The following EHD1 variants were observed in gnomAD, a reference collection of about 807,000 sequenced individuals.
The protein encoded by EHD1 is EH domain containing 1.
In EHD1, 19 loss-of-function variants were observed where a neutral mutation model predicts 39.0. The observed-to-expected ratio is 0.49, with a 90% CI of 0.34 to 0.72. The LOEUF is 0.72. Among genes scored for constraint, EHD1 ranks in the 30% least tolerant of loss-of-function variants. EHD1 has a pLI of 0.01. For missense variants in EHD1, 542 were observed against 751.5 expected (o/e 0.72, Z 3.26); for synonymous variants, 323 against 331.2 (o/e 0.98, Z 0.27).
intron 2 of EHD1, among the ~76,000 whole-genome samples, chr11:64,869,545 C>A (rs1304993691): frequency 6.6e-6 from 1 of 152,234 alleles, no homozygotes; most frequent in Non-Finnish European, 1.5e-5. Context: ...GTGCACCAGG[C>A]ACTAGGGCAA....
intron 2 of EHD1, among the ~76,000 whole-genome samples, chr11:64,866,534 T>A (rs977620723): frequency 6.6e-6 from 1 of 151,814 alleles, no homozygotes; most frequent in Non-Finnish European, 1.5e-5. Context: ...TTAAAAAAAT[T>A]TGGGTGTGGT....
At position 64,878,133 on chromosome 11, in the gene EHD1, C is replaced by T; in HGVS notation, c.332G>A (p.Gly111Asp). 2 of 1,575,014 alleles carry T rather than the reference C, an allele frequency of 1.3e-6. No individual in the cohort carries two copies. Among genetic ancestry groups the T allele is most frequent in the Non-Finnish European group, 1.7e-6 (2 of 1,155,962 alleles). Residue 111 changes from glycine (G) to aspartate (D), a missense_variant, in exon 1 of 5, where the codon GGC (glycine) becomes GAC (aspartate). Coordinates refer to ENST00000320631, the MANE Select transcript of EHD1 (RefSeq NM_006795.4). ...CCGCGGGTCCACCACGAGCGCGTTG[C>T]CCGGCACCACGCCCTCAGTGGGGCC... ...MHGPTEGVVP[G>D]NALVVDPRRP...
rs770278119 is a variant in EHD1, at chr11:64,878,361, G to T, written c.104C>A (p.Pro35His). 6 of 1,614,004 alleles carry T rather than the reference G, an allele frequency of 3.7e-6. No homozygotes were observed. The South Asian group carries it at 6.6e-5, about 18-fold the overall frequency. The change falls in exon 1 of 5, where the codon CCC becomes CAC. Residue 35 changes from proline to histidine, a missense_variant. By Grantham distance (77) the Pro-to-His change is moderately conservative (BLOSUM62 -2). Coordinates refer to ENST00000320631, the MANE Select transcript of EHD1 (RefSeq NM_006795.4). Reference sequence around the variant, plus strand: ...GTGGAAGCGGTAGTGCTCCTCCAGGGGTAGCAGCTTCTGCGCGTACAGCTG... The same window carrying T: ...GTGGAAGCGGTAGTGCTCCTCCAGGTGTAGCAGCTTCTGCGCGTACAGCTG... ...LRQLYAQKLL[P>H]LEEHYRFHEF...
At chr11:64,871,148 T>G (rs754077388) in intron 2 of EHD1, among the ~76,000 whole-genome samples, 1 of 152,102 alleles carries the variant, frequency 6.6e-6, no homozygotes, top group Non-Finnish European at 1.5e-5. Flanking sequence ...GCAACCCCAA[T>G]GTCCATCCAC....
chr11:64,859,906 C>T lies in EHD1; in HGVS notation c.915+18G>A. 2.5e-6 allele frequency: 4 copies of T among 1,598,610 alleles called. No homozygotes were observed. Among genetic ancestry groups the T allele is most frequent in the Non-Finnish European group, 3.4e-6 (4 of 1,170,448 alleles). On this transcript the variant is annotated intron_variant, in intron 3 of 4. Coordinates refer to ENST00000320631, the MANE Select transcript of EHD1 (RefSeq NM_006795.4). ...GCCCTGCCTGGCAATAGGCTGCTCCCCTCACCCCAGGGTCTACCTTGGCCA... is the reference window on the plus strand; with the variant it reads ...GCCCTGCCTGGCAATAGGCTGCTCCTCTCACCCCAGGGTCTACCTTGGCCA...
rs1943917030 is a variant in EHD1, at chr11:64,878,604, A to C, written c.-140T>G. ...CGCAGGCGCACAGCCCAGCCCGTCG[A>C]AGCGCCCTCTGCCGAATGCTGCGCA... is the stretch of plus-strand genomic sequence containing the variant. On this transcript the variant is annotated 5_prime_UTR_variant, in exon 1 of 5. Coordinates refer to ENST00000320631, the MANE Select transcript of EHD1 (RefSeq NM_006795.4). 2 of 1,424,136 alleles carry C rather than the reference A, an allele frequency of 1.4e-6. No homozygotes were observed. Among genetic ancestry groups the C allele is most frequent in the Admixed American group, 3.0e-5 (1 of 33,474 alleles). The allele number at this position is 1,424,136 out of a possible 1,614,324, so 88.2% of individuals were successfully genotyped here.
chr11:64,878,678 C>T (rs1251469758), upstream of EHD1: 19 of 1,351,974 alleles, frequency 1.4e-5, no homozygotes, highest in South Asian at 1.1e-4. Flanking sequence ...TGGCGGCTAG[C>T]GCCGCCGCGG....
chr11:64,860,152 C>T lies in EHD1; in HGVS notation c.687G>A (p.Leu229=). ...NKADQIETQQ[L]MRVYGALMWS... is the part of the protein sequence containing the mutation. Reference sequence around the variant, plus strand: ...ACATGAGGGCCCCGTACACCCGCATCAGCTGCTGCGTCTCGATCTGGTCTG... The same window carrying T: ...ACATGAGGGCCCCGTACACCCGCATTAGCTGCTGCGTCTCGATCTGGTCTG... Residue 229 remains leucine, a synonymous_variant, in exon 3 of 5, where the codon CTG becomes CTA. Coordinates refer to ENST00000320631, the MANE Select transcript of EHD1 (RefSeq NM_006795.4). 6.2e-7 allele frequency: 1 copy of T among 1,614,186 alleles called. No individual in the cohort carries two copies.
chr11:64,872,434 C>G (rs1943839999), intron 2 of EHD1, among the ~76,000 whole-genome samples: 1 of 152,168 alleles, frequency 6.6e-6, no homozygotes, highest in Non-Finnish European at 1.5e-5. Context: ...GCACTCCAGC[C>G]TGGGCGATAG....
Position 64,878,617 on chromosome 11 carries a change from C to G in EHD1, c.-153G>C. 7.1e-7 allele frequency: 1 copy of G among 1,417,118 alleles called. No individual in the cohort carries two copies. The highest frequency in any genetic ancestry group is 9.2e-7 in the Non-Finnish European group (1 of 1,091,934). The allele number at this position is 1,417,118 out of a possible 1,614,324, so 87.8% of individuals were successfully genotyped here. A position where few individuals can be genotyped will look rare whatever the true frequency, so the allele number is the denominator to read the frequency against. The stretch of plus-strand genomic sequence containing the variant: ...CCCAGCCCGTCGAAGCGCCCTCTGC[C>G]GAATGCTGCGCACCCCTCGCGGAGC... On this transcript the variant is annotated 5_prime_UTR_variant, in exon 1 of 5. Coordinates refer to ENST00000320631, the MANE Select transcript of EHD1 (RefSeq NM_006795.4).
chr11:64,869,890 C>T (rs575234698), intron 2 of EHD1, among the ~76,000 whole-genome samples: 63 of 152,266 alleles, frequency 4.1e-4, no homozygotes, highest in African/African-American at 1.4e-3. Context: ...CGGCCCACGG[C>T]GCAGGCCTGC....
In EHD1 at chr11:64,852,547, C is replaced by T. The variant is rs1943593387; in HGVS notation, c.*1786G>A. 1 of 152,362 alleles carries T rather than the reference C, an allele frequency of 6.6e-6. No individual in the cohort carries two copies. The highest frequency in any genetic ancestry group is 6.5e-5 in the Admixed American group (1 of 15,286). 9.4% of individuals were successfully genotyped at this position (152,362 alleles called of 1,614,324 possible). A position where few individuals can be genotyped will look rare whatever the true frequency, so the allele number is the denominator to read the frequency against. Reference sequence around the variant, plus strand: ...GGCATCACCCCAGAAACCCTTTTCCCTACAGGCCTGGCCCTCTTAGTAGGA... The same window carrying T: ...GGCATCACCCCAGAAACCCTTTTCCTTACAGGCCTGGCCCTCTTAGTAGGA... On this transcript the variant is annotated 3_prime_UTR_variant, in exon 5 of 5. Coordinates refer to ENST00000320631, the MANE Select transcript of EHD1 (RefSeq NM_006795.4).
At chr11:64,870,831 G>A (rs1450064674) in intron 2 of EHD1, among the ~76,000 whole-genome samples, 1 of 152,182 alleles carries the variant, frequency 6.6e-6, no homozygotes, top group African/African-American at 2.4e-5. Flanking sequence ...AAGAATGAAC[G>A]CAGCCCCCAG....
chr11:64,851,954 A>G lies in EHD1; in HGVS notation c.*2379T>C. ...CAGGTGGCAGCTGAGTGACGCAGGGAGGGCCGGCCAGCCCTGCAGCAACTG... is the reference window on the plus strand; with the variant it reads ...CAGGTGGCAGCTGAGTGACGCAGGGGGGGCCGGCCAGCCCTGCAGCAACTG... On this transcript the variant is annotated 3_prime_UTR_variant, in exon 5 of 5. Transcript: ENST00000320631. The G allele has an allele frequency of 6.6e-6, 1 of 152,228 alleles. No homozygotes were observed. Among genetic ancestry groups the G allele is most frequent in the Non-Finnish European group, 1.5e-5 (1 of 68,002 alleles). 9.4% of individuals were successfully genotyped at this position (152,228 alleles called of 1,614,324 possible).
In EHD1 at chr11:64,863,720, C is replaced by T. The variant is rs553291551; in HGVS notation, c.503-3384G>A. Among the ~76,000 whole-genome samples the T allele has an allele frequency of 5.9e-5, 9 of 152,362 alleles. No individual in the cohort carries two copies. In the East Asian group the frequency reaches 1.2e-3, roughly 20 times the overall value. ...GCGCGGAGCCCCTCCCCACACCTGG[C>T]GCTCCCAGAAGGAACTCGGGCCACT... On this transcript the variant is annotated intron_variant, in intron 2 of 4. Transcript: ENST00000320631.
At chr11:64,873,255 T>C (rs957751211) in intron 2 of EHD1, among the ~76,000 whole-genome samples, 1 of 152,238 alleles carries the variant, frequency 6.6e-6, no homozygotes, top group African/African-American at 2.4e-5. Context: ...CCAGGGAGGC[T>C]GCTGTCAACC....
At chr11:64,865,848 C>T (rs923403473) in intron 2 of EHD1, among the ~76,000 whole-genome samples, 4 of 152,138 alleles carry the variant, frequency 2.6e-5, no homozygotes, top group Non-Finnish European at 4.4e-5. Flanking sequence ...ATTAAAAAGT[C>T]TAAAAATAAC....
At chr11:64,869,659 C>T (rs940273870) in intron 2 of EHD1, among the ~76,000 whole-genome samples, 6 of 152,220 alleles carry the variant, frequency 3.9e-5, no homozygotes, top group African/African-American at 1.4e-4. Context: ...TCCCTAGAGC[C>T]ACCCAGCTCC....
chr11:64,866,856 C>T (rs751831011), intron 2 of EHD1, among the ~76,000 whole-genome samples: 3 of 152,178 alleles, frequency 2.0e-5, no homozygotes, highest in South Asian at 4.1e-4. Context: ...AGGACAGATA[C>T]GGCACTGTAG....
Sources: allele counts gnomAD v4.1 joint callset (sites outside exome capture counted in the v4.1 genomes callset), GRCh38; gene constraint gnomAD v4.1.1; transcripts MANE v1.5; gene names NCBI Gene and HGNC (gene_info 2026-07-23, HGNC 2026-07-21).